Variants in NTM observed in about 807,000 individuals in gnomAD.
The protein encoded by NTM is IgLON family member 2.
In NTM, 13 loss-of-function variants were observed where a neutral mutation model predicts 42.1. That is an observed-to-expected ratio of 0.31 (90% CI 0.20 to 0.49). The LOEUF (loss-of-function observed/expected upper bound fraction) is 0.49, where lower values mean the gene tolerates loss of function less well. NTM is among the 20% of genes least tolerant of loss of function. NTM has a pLI of 0.99. For synonymous variants in NTM, 187 were observed against 179.2 expected, an observed-to-expected ratio of 1.04 and a Z score of -0.35; for missense variants, 373 against 452.8, an observed-to-expected ratio of 0.82 and a Z score of 1.60.
chr11:131,941,789 T>C (rs1355024549), intron 2 of NTM, among the ~76,000 whole-genome samples: 7 of 152,186 alleles, frequency 4.6e-5, no homozygotes, highest in African/African-American at 1.7e-4. Flanking sequence ...ACCAAAACAC[T>C]AAATAATGGG....
At chr11:131,567,924 T>A (rs1173794522) in intron 1 of NTM, among the ~76,000 whole-genome samples, 1 of 152,244 alleles carries the variant, frequency 6.6e-6, no homozygotes, top group East Asian at 1.9e-4. Context: ...GCACATGGTA[T>A]GTGCCCAGTA....
intron 1 of NTM, among the ~76,000 whole-genome samples, chr11:131,490,036 G>C (rs1954609467): frequency 6.6e-6 from 1 of 152,204 alleles, no homozygotes; most frequent in African/African-American, 2.4e-5. Context: ...TGCAGAGATT[G>C]CATGGCGAGA....
chr11:131,616,804 T>TGC (rs1420151588), intron 1 of NTM, among the ~76,000 whole-genome samples: 1 of 151,440 alleles, frequency 6.6e-6, no homozygotes, highest in Non-Finnish European at 1.5e-5. Context: ...TGTGTGTGTG[T>TGC]GTGTGTGTTG....
chr11:131,723,239 C>T lies in NTM; in HGVS notation c.83-188325C>T, dbSNP rs116900082. ...GTTTTAAGCTTGTTTGCCATGGCAA[C>T]CATCAACATATTAAGCCCTTCAAAG... On this transcript the variant is annotated intron_variant, in intron 1 of 8. Coordinates refer to ENST00000683400, the MANE Select transcript of NTM (RefSeq NM_001352005.2). 3.0e-4 allele frequency among the ~76,000 whole-genome samples: 45 copies of T among 152,356 alleles called. No individual in the cohort carries two copies. In the East Asian group the frequency reaches 5.0e-3, roughly 17 times the overall value.
intron 1 of NTM, among the ~76,000 whole-genome samples, chr11:131,424,604 T>TC (rs57829310): frequency 9.2e-5 from 12 of 130,074 alleles, no homozygotes; most frequent in African/African-American, 3.2e-4. Context: ...TCTTTTCTTT[T>TC]TTTTTTTTTT....
chr11:132,185,759 G>A (rs1404349834), intron 3 of NTM, among the ~76,000 whole-genome samples: 3 of 152,182 alleles, frequency 2.0e-5, no homozygotes, highest in Non-Finnish European at 4.4e-5. Flanking sequence ...GTTCTCAAGA[G>A]CATAGCTTTC....
chr11:131,544,797 G>A (rs547063910), intron 1 of NTM, among the ~76,000 whole-genome samples: 41 of 152,326 alleles, frequency 2.7e-4, no homozygotes, highest in Non-Finnish European at 4.1e-4. Flanking sequence ...CCTCCTGGGG[G>A]CGCCGCTTGC....
intron 1 of NTM, among the ~76,000 whole-genome samples, chr11:131,525,093 T>G (rs401560): frequency 0.18 from 26,828 of 151,486 alleles, 2,429 homozygotes; most frequent in Middle Eastern, 0.23. Context: ...AGGGGGCGGG[T>G]ATTGCCAGAC....
chr11:131,848,020 C>G (rs893654348), intron 1 of NTM, among the ~76,000 whole-genome samples: 1 of 152,190 alleles, frequency 6.6e-6, no homozygotes, highest in East Asian at 1.9e-4. Flanking sequence ...AACATTTTAA[C>G]CAGTAAGAGA....
At chr11:131,453,333 C>T (rs890210913) in intron 1 of NTM, among the ~76,000 whole-genome samples, 1 of 152,128 alleles carries the variant, frequency 6.6e-6, no homozygotes, top group Non-Finnish European at 1.5e-5. Flanking sequence ...GAGAGGAGAA[C>T]TCTTGTGATG....
intron 2 of NTM, among the ~76,000 whole-genome samples, chr11:131,977,520 T>C (rs1298968380): frequency 6.6e-6 from 1 of 152,062 alleles, no homozygotes; most frequent in Non-Finnish European, 1.5e-5. Flanking sequence ...TTTCCTCACA[T>C]AAAGGAAAAA....
At chr11:131,728,082 T>C (rs1649361416) in intron 1 of NTM, among the ~76,000 whole-genome samples, 1 of 152,120 alleles carries the variant, frequency 6.6e-6, no homozygotes, top group Non-Finnish European at 1.5e-5. Flanking sequence ...TGTTCATTAG[T>C]ATAGTGGAAT....
intron 1 of NTM, among the ~76,000 whole-genome samples, chr11:131,421,803 G>C (rs773137767): frequency 6.6e-6 from 1 of 152,196 alleles, no homozygotes; most frequent in Non-Finnish European, 1.5e-5. Context: ...ATTATTTGGG[G>C]TTAGCTATTT....
At position 132,336,169 on chromosome 11, in the gene NTM, A is replaced by G. The variant is rs2095870597; in HGVS notation, c.*1023A>G. ...TGCTTCCTTTGATGACATATATTAT[A>G]CAGTATATATATACATATATTTTTT... On this transcript the variant is annotated 3_prime_UTR_variant, in exon 9 of 9. Transcript: ENST00000683400. The G allele has an allele frequency of 6.6e-6, 1 of 152,586 alleles. No individual in the cohort carries two copies. Among genetic ancestry groups the G allele is most frequent in the African/African-American group, 2.4e-5 (1 of 41,428 alleles). 9.5% of individuals were successfully genotyped at this position (152,586 alleles called of 1,614,324 possible). A position where few individuals can be genotyped will look rare whatever the true frequency, so the allele number is the denominator to read the frequency against.
At position 132,286,665 on chromosome 11, in the gene NTM, A is replaced by G. The variant is rs1202087825; in HGVS notation, c.527-21024A>G. ...CACCATCTCTGGGGGATATTCGAAT[A>G]TGCATGAGCCCACCAGAATGACCGC... On this transcript the variant is annotated intron_variant, in intron 4 of 8. Coordinates refer to ENST00000683400, the MANE Select transcript of NTM (RefSeq NM_001352005.2). Among the ~76,000 whole-genome samples, 3 of 152,172 alleles carry G rather than the reference A, an allele frequency of 2.0e-5. No homozygotes were observed. The East Asian group carries it at 5.8e-4, about 29-fold the overall frequency.
chr11:131,628,573 G>A (rs1317220142), intron 1 of NTM, among the ~76,000 whole-genome samples: 3 of 152,084 alleles, frequency 2.0e-5, no homozygotes, highest in Non-Finnish European at 2.9e-5. Flanking sequence ...GGCCTGTCTG[G>A]CAGCCAAGAG....
At chr11:132,255,144 A>G (rs2139436859) in intron 4 of NTM, among the ~76,000 whole-genome samples, 1 of 152,312 alleles carries the variant, frequency 6.6e-6, no homozygotes, top group East Asian at 1.9e-4. Flanking sequence ...GTGGAGACAC[A>G]AGAAGTGTGT....
intron 1 of NTM, among the ~76,000 whole-genome samples, chr11:131,858,583 T>C (rs1001686804): frequency 1.3e-5 from 2 of 152,064 alleles, no homozygotes; most frequent in Non-Finnish European, 2.9e-5. Context: ...TAAAATCGGA[T>C]GGTAAGTTAA....
intron 5 of NTM, 97 bp downstream of exon 5, chr11:132,307,920 T>A: frequency 8.3e-7 from 1 of 1,209,472 alleles, no homozygotes. Context: ...AGCTACTGAC[T>A]TAGGGTGGGA....
Sources: gnomAD v4.1 joint callset for allele counts (sites outside exome capture counted in the v4.1 genomes callset) on GRCh38, gnomAD v4.1.1 for gene constraint, MANE v1.5 for transcripts, NCBI Gene and HGNC (gene_info 2026-07-23, HGNC 2026-07-21) for gene names.